Variants in ENOX1 observed in about 807,000 individuals in gnomAD.
ENOX1 encodes the protein ecto-NOX disulfide-thiol exchanger 1, also known as candidate growth-related and time keeping constitutive hydroquinone (NADH) oxidase.
A neutral mutation model predicts 82.5 loss-of-function variants in ENOX1; 42 were observed. The ratio of observed to expected loss-of-function variants is 0.51; its 90% CI spans 0.40 to 0.66. ENOX1 has a LOEUF of 0.66. ENOX1 is among the 30% of genes least tolerant of loss of function. The pLI, the probability that ENOX1 is intolerant of heterozygous loss-of-function variation, is 0.00. For missense variants in ENOX1, 608 were observed against 811.6 expected (o/e 0.75, Z 3.05); for synonymous variants, 271 against 282.2 (o/e 0.96, Z 0.40).
chr13:43,706,748 A>G (rs1451580992), intron 1 of ENOX1, among the ~76,000 whole-genome samples: 4 of 152,008 alleles, frequency 2.6e-5, no homozygotes, highest in African/African-American at 7.2e-5. Flanking sequence ...ATAGAAGGGA[A>G]CCTGATAAAA....
chr13:43,256,713 G>C (rs1566352643), intron 14 of ENOX1, among the ~76,000 whole-genome samples: 1 of 152,160 alleles, frequency 6.6e-6, no homozygotes, highest in Non-Finnish European at 1.5e-5. Flanking sequence ...CTGTTAGTGG[G>C]AATGCAAATT....
At position 43,466,836 on chromosome 13, in the gene ENOX1, T is replaced by C. The variant is rs960108420; in HGVS notation, c.-75+17173A>G. 2.6e-5 allele frequency among the ~76,000 whole-genome samples: 4 copies of C among 152,296 alleles called. No individual in the cohort carries two copies. In the South Asian group the frequency reaches 8.3e-4, roughly 32 times the overall value. On this transcript the variant is annotated intron_variant, in intron 3 of 16. Coordinates refer to ENST00000690772, the MANE Select transcript of ENOX1 (RefSeq NM_001347969.2). ...CAGTCCCTTATAACCACTACTCAAC[T>C]TTCTGTCCCTGTGAAGTTGCCCATT...
intron 1 of ENOX1, among the ~76,000 whole-genome samples, chr13:43,705,563 A>G (rs1250006751): frequency 6.6e-6 from 1 of 152,108 alleles, no homozygotes; most frequent in Non-Finnish European, 1.5e-5. Flanking sequence ...CTTCAAGCCA[A>G]TGTATATTAC....
chr13:43,371,257 T>C, intron 5 of ENOX1, among the ~76,000 whole-genome samples: 1 of 152,216 alleles, frequency 6.6e-6, no homozygotes, highest in East Asian at 1.9e-4. Context: ...TTGAGAAATA[T>C]TTTTGAACAT....
intron 5 of ENOX1, among the ~76,000 whole-genome samples, chr13:43,408,320 C>T (rs1042011198): frequency 6.6e-6 from 1 of 152,142 alleles, no homozygotes; most frequent in African/African-American, 2.4e-5. Flanking sequence ...ATTGAAGAAG[C>T]AGTGAGGAAA....
rs144728375 is a variant in ENOX1 at position 43,555,759 on chromosome 13, G to C, written c.-218-71607C>G. Among the ~76,000 whole-genome samples, 7 of 152,264 alleles carry C rather than the reference G, an allele frequency of 4.6e-5. No homozygotes were observed. The East Asian group carries it at 1.3e-3, about 29-fold the overall frequency. On this transcript the variant is annotated intron_variant, in intron 2 of 16. Transcript: ENST00000690772. ...CTACAAAACTAGTCTCCAAATCCTG[G>C]ATGTGCTAAGAGTTTAGAATCATTA...
intron 2 of ENOX1, among the ~76,000 whole-genome samples, chr13:43,510,568 C>G (rs1181889952): frequency 1.3e-5 from 2 of 152,048 alleles, no homozygotes; most frequent in Non-Finnish European, 2.9e-5. Flanking sequence ...TTGGGGCCCG[C>G]TCCTAAAGGC....
At chr13:43,422,487 A>T (rs9567187) in intron 3 of ENOX1, among the ~76,000 whole-genome samples, 14,291 of 152,244 alleles carry the variant, frequency 0.094, 735 homozygotes, top group East Asian at 0.24. Flanking sequence ...GTTTGTGATT[A>T]CATCCTCCAC....
chr13:43,461,931 G>A (rs1208120268), intron 3 of ENOX1, among the ~76,000 whole-genome samples: 1 of 152,200 alleles, frequency 6.6e-6, no homozygotes, highest in Admixed American at 6.5e-5. Context: ...GGATTAGACT[G>A]ACCAATGAAA....
intron 2 of ENOX1, among the ~76,000 whole-genome samples, chr13:43,608,490 C>T (rs2082063777): frequency 6.6e-6 from 1 of 152,044 alleles, no homozygotes; most frequent in Admixed American, 6.6e-5. Context: ...GAATATTATA[C>T]AACTTCTTCT....
chr13:43,530,916 T>C (rs1043379028), intron 2 of ENOX1, among the ~76,000 whole-genome samples: 4 of 151,980 alleles, frequency 2.6e-5, no homozygotes, highest in African/African-American at 9.7e-5. Context: ...TCTGTATCAG[T>C]AATAGGAGTG....
chr13:43,640,903 C>T (rs990831056), intron 2 of ENOX1, among the ~76,000 whole-genome samples: 6 of 41,602 alleles, frequency 1.4e-4, no homozygotes, highest in African/African-American at 3.1e-4. Context: ...CACGTACACA[C>T]ACACGCACGC....
At chr13:43,546,478 T>C (rs2078978198) in intron 2 of ENOX1, 1 of 152,232 alleles carries the variant, frequency 6.6e-6, no homozygotes, top group African/African-American at 2.4e-5. Context: ...CACAGGAGCC[T>C]GGGGATGGTG....
At chr13:43,328,497 T>C (rs957217015) in intron 9 of ENOX1, among the ~76,000 whole-genome samples, 2 of 152,156 alleles carry the variant, frequency 1.3e-5, no homozygotes, top group Non-Finnish European at 2.9e-5. Context: ...ACTGAGTGTT[T>C]GGTTGGTAAT....
chr13:43,657,363 C>A (rs1392815219), intron 2 of ENOX1, among the ~76,000 whole-genome samples: 1 of 152,144 alleles, frequency 6.6e-6, no homozygotes, highest in African/African-American at 2.4e-5. Flanking sequence ...CACTATTGTG[C>A]AAAGAATTGA....
chr13:43,305,965 C>T (rs1460704442), intron 11 of ENOX1, among the ~76,000 whole-genome samples: 1 of 152,214 alleles, frequency 6.6e-6, no homozygotes, highest in Non-Finnish European at 1.5e-5. Flanking sequence ...CCCTGCCCAG[C>T]CTGGCCTGCG....
intron 14 of ENOX1, among the ~76,000 whole-genome samples, chr13:43,239,246 G>T (rs2042700748): frequency 6.6e-6 from 1 of 152,148 alleles, no homozygotes; most frequent in Non-Finnish European, 1.5e-5. Flanking sequence ...CCAGTGACTG[G>T]AGTGGACACA....
intron 2 of ENOX1, among the ~76,000 whole-genome samples, chr13:43,498,349 G>A (rs558841806): frequency 6.6e-5 from 10 of 152,176 alleles, no homozygotes; most frequent in African/African-American, 2.4e-4. Context: ...TATTACAGAT[G>A]TGCTTGGAGC....
chr13:43,287,509 C>T (rs1768084945), intron 12 of ENOX1, among the ~76,000 whole-genome samples: 1 of 152,164 alleles, frequency 6.6e-6, no homozygotes, highest in African/African-American at 2.4e-5. Context: ...GTCCAGACAT[C>T]CTGAGTTTCC....
Sources: gnomAD v4.1 joint callset for allele counts (sites outside exome capture counted in the v4.1 genomes callset) on GRCh38, gnomAD v4.1.1 for gene constraint, MANE v1.5 for transcripts, NCBI Gene and HGNC (gene_info 2026-07-23, HGNC 2026-07-21) for gene names.